Variants in SMAP1 observed in about 807,000 individuals in gnomAD.
The protein encoded by SMAP1 is small ArfGAP 1, also known as stromal membrane-associated protein 1.
A neutral mutation model predicts 58.5 loss-of-function variants in SMAP1; 24 were observed. The ratio of observed to expected loss-of-function variants is 0.41; its 90% CI spans 0.30 to 0.58. The LOEUF is 0.58. Ranked by LOEUF, SMAP1 falls within the 20% of genes least tolerant of loss-of-function variation. The pLI is 0.29. For missense variants in SMAP1, 563 were observed against 566.3 expected, an observed-to-expected ratio of 0.99 and a Z score of 0.06; for synonymous variants, 216 against 196.6, an observed-to-expected ratio of 1.10 and a Z score of -0.82.
intron 1 of SMAP1, 62 bp downstream of exon 1, chr6:70,668,203 G>A: frequency 1.4e-6 from 2 of 1,444,224 alleles, no homozygotes; most frequent in East Asian, 2.5e-5. Context: ...CCTTCCCGCC[G>A]CTGCGGCGCT....
At chr6:70,691,530 C>T (rs1222065152) in intron 1 of SMAP1, among the ~76,000 whole-genome samples, 1 of 152,074 alleles carries the variant, frequency 6.6e-6, no homozygotes, top group Non-Finnish European at 1.5e-5. Flanking sequence ...GTTGTGTTAT[C>T]AAATACTAGA....
intron 1 of SMAP1, among the ~76,000 whole-genome samples, chr6:70,716,469 CT>C (rs1768274080): frequency 6.6e-6 from 1 of 152,154 alleles, no homozygotes; most frequent in African/African-American, 2.4e-5. Flanking sequence ...GCTGTGTGGT[CT>C]TGTTCCTAAT....
At chr6:70,827,957 T>C (rs1252209659) in intron 6 of SMAP1, among the ~76,000 whole-genome samples, 1 of 152,134 alleles carries the variant, frequency 6.6e-6, no homozygotes, top group African/African-American at 2.4e-5. Flanking sequence ...ATCTATATTA[T>C]AAAGAATGGT....
At chr6:70,748,181 C>T (rs538148991) in intron 2 of SMAP1, among the ~76,000 whole-genome samples, 59 of 151,990 alleles carry the variant, frequency 3.9e-4, no homozygotes, top group Middle Eastern at 3.4e-3. Context: ...AGAAATTTCT[C>T]GAAAATTTCA....
chr6:70,675,049 A>T (rs547293061), intron 1 of SMAP1, among the ~76,000 whole-genome samples: 2 of 152,150 alleles, frequency 1.3e-5, no homozygotes, highest in Non-Finnish European at 2.9e-5. Flanking sequence ...TAGACATGAA[A>T]CAATTACCAG....
intron 2 of SMAP1, among the ~76,000 whole-genome samples, chr6:70,749,648 A>G (rs1159494662): frequency 1.3e-5 from 2 of 151,982 alleles, no homozygotes; most frequent in African/African-American, 4.8e-5. Context: ...CAGTACACAT[A>G]TACAAATTTG....
intron 4 of SMAP1, among the ~76,000 whole-genome samples, chr6:70,781,365 T>C (rs1356302170): frequency 6.6e-6 from 1 of 152,222 alleles, no homozygotes; most frequent in Non-Finnish European, 1.5e-5. Context: ...GTATGGGTTA[T>C]ATACTAATTT....
rs191279912 is a variant in SMAP1 at position 70,694,935 on chromosome 6, T to C, written c.118+26794T>C. On this transcript the variant is annotated intron_variant, in intron 1 of 10. Transcript: ENST00000370455. ...TATTGAATCTTTCAATCCATGAACATGGAATATATTTCCGTTTTTTTGTGC... is the reference window on the plus strand; with the variant it reads ...TATTGAATCTTTCAATCCATGAACACGGAATATATTTCCGTTTTTTTGTGC... 7.1e-3 allele frequency among the ~76,000 whole-genome samples: 1,087 copies of C among 152,324 alleles called. 19 individuals are homozygous for C. Among genetic ancestry groups the C allele is most frequent in the African/African-American group, 0.025 (1,030 of 41,578 alleles).
chr6:70,798,676 AG>A lies in SMAP1; in HGVS notation c.517del (p.Glu173LysfsTer47). On this transcript the variant is annotated frameshift_variant, in exon 6 of 11. Coordinates refer to ENST00000370455, the MANE Select transcript of SMAP1 (RefSeq NM_001044305.3). LOFTEE classifies it high-confidence loss of function. ...NKLEKEKEKK[K>X]EEKKREKEPE... ...TTTTAGAAAGAAAAGGAAAAAAAAA[AG>A]GAAGAGAAAAAGAGAGAAAAGGAGC... 1 of 1,540,634 alleles carries A rather than the reference AG, an allele frequency of 6.5e-7. No individual in the cohort carries two copies. The highest frequency in any genetic ancestry group is 8.7e-7 in the Non-Finnish European group (1 of 1,145,364).
intron 3 of SMAP1, among the ~76,000 whole-genome samples, chr6:70,769,229 T>G (rs559722079): frequency 2.5e-4 from 38 of 152,322 alleles, no homozygotes; most frequent in African/African-American, 8.9e-4. Context: ...TATATTCTGT[T>G]GATCTGGGGT....
rs1269950351 is a variant in SMAP1 at position 70,683,193 on chromosome 6, C to T, written c.118+15052C>T. Among the ~76,000 whole-genome samples, 6 of 121,762 alleles carry T rather than the reference C, an allele frequency of 4.9e-5. No individual in the cohort carries two copies. In the East Asian group the frequency reaches 7.1e-4, roughly 14 times the overall value. The allele number at this position is 121,762 out of a possible 152,430, so 79.9% of individuals were successfully genotyped here. A position where few individuals can be genotyped will look rare whatever the true frequency, so the allele number is the denominator to read the frequency against. Reference sequence around the variant, plus strand: ...TTTTTTTTTTTTTTTTTTCTTGAGGCGGCGTCTCACTCTGTCGCCCAGGCT... The same window carrying T: ...TTTTTTTTTTTTTTTTTTCTTGAGGTGGCGTCTCACTCTGTCGCCCAGGCT... On this transcript the variant is annotated intron_variant, in intron 1 of 10. Coordinates refer to ENST00000370455, the MANE Select transcript of SMAP1 (RefSeq NM_001044305.3).
At chr6:70,700,121 A>G (rs1191399239) in intron 1 of SMAP1, among the ~76,000 whole-genome samples, 2 of 152,004 alleles carry the variant, frequency 1.3e-5, no homozygotes, top group African/African-American at 4.8e-5. Flanking sequence ...GTGAGTTCTC[A>G]TGAGATATGA....
intron 1 of SMAP1, among the ~76,000 whole-genome samples, chr6:70,725,359 A>G (rs552051841): frequency 2.3e-4 from 35 of 150,902 alleles, no homozygotes; most frequent in African/African-American, 8.3e-4. Context: ...CTCGTGATCT[A>G]CCCGCCTCGG....
In SMAP1 at chr6:70,861,805, C is replaced by A; in HGVS notation, c.*1471C>A. 1 of 1,613,938 alleles carries A rather than the reference C, an allele frequency of 6.2e-7. No individual in the cohort carries two copies. Among genetic ancestry groups the A allele is most frequent in the South Asian group, 1.1e-5 (1 of 91,044 alleles). ...CACTCTTCATGGTGACACTCGAGGTCGGGCAGCACAAGTGTAATGAATACC... is the reference window on the plus strand; with the variant it reads ...CACTCTTCATGGTGACACTCGAGGTAGGGCAGCACAAGTGTAATGAATACC... On this transcript the variant is annotated 3_prime_UTR_variant, in exon 11 of 11. Coordinates refer to ENST00000370455, the MANE Select transcript of SMAP1 (RefSeq NM_001044305.3).
At chr6:70,680,072 G>A (rs1255851538) in intron 1 of SMAP1, among the ~76,000 whole-genome samples, 3 of 151,706 alleles carry the variant, frequency 2.0e-5, no homozygotes, top group Admixed American at 1.3e-4. Context: ...AAGTGCCAAG[G>A]TAACTCAATG....
intron 5 of SMAP1, among the ~76,000 whole-genome samples, chr6:70,797,525 A>T (rs879647178): frequency 7.9e-5 from 12 of 152,054 alleles, no homozygotes; most frequent in Non-Finnish European, 1.6e-4. Context: ...ATAGTTTTAT[A>T]CTAGTGTGTA....
At chr6:70,711,505 T>G (rs1477625783) in intron 1 of SMAP1, among the ~76,000 whole-genome samples, 5 of 152,098 alleles carry the variant, frequency 3.3e-5, no homozygotes, top group Middle Eastern at 6.8e-3. Context: ...TTTACTTTAC[T>G]GAATTAATTT....
chr6:70,785,101 G>T (rs891494008), intron 4 of SMAP1, among the ~76,000 whole-genome samples: 1 of 152,270 alleles, frequency 6.6e-6, no homozygotes, highest in African/African-American at 2.4e-5. Context: ...ATAACAAACT[G>T]TCTCTCAGAC....
chr6:70,786,179 T>C (rs1299218009), intron 4 of SMAP1, among the ~76,000 whole-genome samples: 5 of 150,950 alleles, frequency 3.3e-5, no homozygotes, highest in Non-Finnish European at 7.4e-5. Context: ...ATCCAGCATA[T>C]AAACAGAACC....
Sources: allele counts gnomAD v4.1 joint callset (sites outside exome capture counted in the v4.1 genomes callset), GRCh38; gene constraint gnomAD v4.1.1; transcripts MANE v1.5; gene names NCBI Gene and HGNC (gene_info 2026-07-23, HGNC 2026-07-21).